The following TTLL5 variants were observed in gnomAD, a reference collection of about 807,000 sequenced individuals.
The protein encoded by TTLL5 is tubulin polyglutamylase TTLL5.
In TTLL5, 132 loss-of-function variants were observed where a neutral mutation model predicts 168.4. That is an observed-to-expected ratio of 0.78 (90% CI 0.68 to 0.91). The LOEUF (loss-of-function observed/expected upper bound fraction) is 0.91. Ranked by LOEUF, TTLL5 falls within the 40% of genes least tolerant of loss-of-function variation. The pLI, the probability that TTLL5 is intolerant of heterozygous loss-of-function variation, is 0.00. For missense variants in TTLL5, 1,545 were observed against 1,581.5 expected, an observed-to-expected ratio of 0.98 and a Z score of 0.39; for synonymous variants, 546 against 558.6, an observed-to-expected ratio of 0.98 and a Z score of 0.32.
At chr14:75,703,040 G>T (rs117292194) in intron 7 of TTLL5, among the ~76,000 whole-genome samples, 1,919 of 152,204 alleles carry the variant, frequency 0.013, 18 homozygotes, top group South Asian at 0.036. Context: ...TCCATGCCTG[G>T]ATCCTTTCCC....
chr14:75,748,202 C>T (rs1172216201), intron 17 of TTLL5, among the ~76,000 whole-genome samples: 2 of 150,456 alleles, frequency 1.3e-5, no homozygotes, highest in African/African-American at 2.5e-5. Context: ...GGTAGGAGAG[C>T]GTGTCCTGTA....
At chr14:75,746,948 T>A (rs936883146) in intron 17 of TTLL5, among the ~76,000 whole-genome samples, 2 of 152,202 alleles carry the variant, frequency 1.3e-5, no homozygotes, top group Non-Finnish European at 2.9e-5. Flanking sequence ...ATTGAGCTTC[T>A]TCATCTATGG....
chr14:75,740,303 A>G (rs1410311747), intron 15 of TTLL5, among the ~76,000 whole-genome samples: 2 of 152,114 alleles, frequency 1.3e-5, no homozygotes, highest in Non-Finnish European at 2.9e-5. Flanking sequence ...CCTCTAAGTT[A>G]TTAGGGATTT....
intron 8 of TTLL5, 117 bp downstream of exon 8, chr14:75,707,204 G>A (rs1242651605): frequency 8.9e-6 from 7 of 790,240 alleles, no homozygotes; most frequent in Non-Finnish European, 1.3e-5. Flanking sequence ...CTTGACATGT[G>A]TGGCTCCAGA....
chr14:75,805,197 C>T (rs1595069719), intron 27 of TTLL5, among the ~76,000 whole-genome samples: 1 of 152,202 alleles, frequency 6.6e-6, no homozygotes, highest in East Asian at 1.9e-4. Context: ...TAGCATGTGG[C>T]ACTATTATCA....
chr14:75,751,252 A>G (rs373075861), intron 17 of TTLL5, among the ~76,000 whole-genome samples: 4 of 152,160 alleles, frequency 2.6e-5, no homozygotes, highest in African/African-American at 9.7e-5. Flanking sequence ...CTTCTTCACG[A>G]TGTCATGGAT....
At chr14:75,821,772 G>A (rs1332916446) in intron 28 of TTLL5, among the ~76,000 whole-genome samples, 4 of 152,120 alleles carry the variant, frequency 2.6e-5, no homozygotes, top group Admixed American at 1.3e-4. Context: ...GACTGCCCAC[G>A]AGGCTGCGAT....
intron 6 of TTLL5, 31 bp downstream of exon 6, chr14:75,690,353 C>T: frequency 6.4e-7 from 1 of 1,566,430 alleles, no homozygotes; most frequent in Non-Finnish European, 8.6e-7. Context: ...GCCCCAGTCC[C>T]CAGCAACTGA....
chr14:75,802,851 G>A lies in TTLL5; in HGVS notation c.3171+9751G>A, dbSNP rs533452938. 5.9e-5 allele frequency among the ~76,000 whole-genome samples: 9 copies of A among 152,334 alleles called. No homozygotes were observed. The South Asian group carries it at 1.9e-3, about 32-fold the overall frequency. ...TGGGAATGGGGAAAAAGCTGAACTAGCCTTCTTGGAAGAGATTATATCTAA... is the reference window on the plus strand; with the variant it reads ...TGGGAATGGGGAAAAAGCTGAACTAACCTTCTTGGAAGAGATTATATCTAA... On this transcript the variant is annotated intron_variant, in intron 27 of 31. Coordinates refer to ENST00000298832, the MANE Select transcript of TTLL5 (RefSeq NM_015072.5).
chr14:75,951,335 C>T (rs2034954944), intron 31 of TTLL5, among the ~76,000 whole-genome samples: 1 of 152,028 alleles, frequency 6.6e-6, no homozygotes, highest in Non-Finnish European at 1.5e-5. Context: ...GGTGACAGAG[C>T]AAGACAGTCT....
In TTLL5 at chr14:75,735,187, C is replaced by G; in HGVS notation, c.1187-8C>G. On this transcript the variant is annotated splice_region_variant and splice_polypyrimidine_tract_variant and intron_variant, in intron 14 of 31. Coordinates refer to ENST00000298832, the MANE Select transcript of TTLL5 (RefSeq NM_015072.5). Reference sequence around the variant, plus strand: ...GGCAGGTTTTAATGTTGCCCATTCCCCATTCAGGATTTGTGTGCCAAGATC... The same window carrying G: ...GGCAGGTTTTAATGTTGCCCATTCCGCATTCAGGATTTGTGTGCCAAGATC... 1.9e-6 allele frequency: 3 copies of G among 1,614,002 alleles called. No individual in the cohort carries two copies. The highest frequency in any genetic ancestry group is 2.5e-6 in the Non-Finnish European group (3 of 1,179,818).
At chr14:75,677,390 C>CTTTTTTTT (rs11349214) in intron 3 of TTLL5, among the ~76,000 whole-genome samples, 3 of 78,320 alleles carry the variant, frequency 3.8e-5, no homozygotes, top group Admixed American at 1.6e-4. Flanking sequence ...CTCTCTCTCT[C>CTTTTTTTT]TTTTTTTTTT....
intron 4 of TTLL5, 59 bp downstream of exon 4, chr14:75,681,686 T>C: frequency 6.8e-7 from 1 of 1,470,896 alleles, no homozygotes; most frequent in Admixed American, 1.7e-5. Context: ...CCCAGCCACC[T>C]AACTGACTTT....
At chr14:75,692,945 G>A (rs1422413833) in intron 6 of TTLL5, among the ~76,000 whole-genome samples, 1 of 152,146 alleles carries the variant, frequency 6.6e-6, no homozygotes, top group Non-Finnish European at 1.5e-5. Flanking sequence ...GCAGTATGGA[G>A]ATGGGTGTGA....
rs75729746 is a variant in TTLL5, at chr14:75,857,381, T to TTAGATAGATAGATAGATAGA, written c.3327-6268_3327-6249dup. ...CTAGTGTATTTGATTGGTTGGTTGATTAGATAGATAGATAGATAGATAGAT... is the reference window on the plus strand; with the variant it reads ...CTAGTGTATTTGATTGGTTGGTTGATTAGATAGATAGATAGATAGATAGATAGATAGATAGATAGATAGAT... On this transcript the variant is annotated intron_variant, in intron 28 of 31. Coordinates refer to ENST00000298832, the MANE Select transcript of TTLL5 (RefSeq NM_015072.5). Among the ~76,000 whole-genome samples the TTAGATAGATAGATAGATAGA allele has an allele frequency of 2.2e-3, 328 of 149,892 alleles. 1 individual carries two copies. Among genetic ancestry groups the TTAGATAGATAGATAGATAGA allele is most frequent in the South Asian group, 3.2e-3 (15 of 4,640 alleles).
intron 31 of TTLL5, among the ~76,000 whole-genome samples, chr14:75,908,616 G>A (rs1166622701): frequency 6.6e-6 from 1 of 152,188 alleles, no homozygotes; most frequent in Non-Finnish European, 1.5e-5. Flanking sequence ...AGGGAGCTGT[G>A]CTGAAGGATA....
chr14:75,885,976 A>C (rs1158571818), intron 30 of TTLL5, among the ~76,000 whole-genome samples: 1 of 152,122 alleles, frequency 6.6e-6, no homozygotes, highest in Non-Finnish European at 1.5e-5. Context: ...ATTTGCTTGG[A>C]TCTTACTGTG....
At chr14:75,944,927 C>T (rs1414423871) in intron 31 of TTLL5, among the ~76,000 whole-genome samples, 3 of 151,940 alleles carry the variant, frequency 2.0e-5, no homozygotes, top group East Asian at 1.9e-4. Context: ...AAGGGAAAAA[C>T]GCTTCAAGTG....
At chr14:75,686,120 T>G (rs1885028086) in intron 5 of TTLL5, among the ~76,000 whole-genome samples, 2 of 152,224 alleles carry the variant, frequency 1.3e-5, no homozygotes, top group South Asian at 2.1e-4. Flanking sequence ...AAATTTGAAC[T>G]GTGGAACAGG....
Sources: allele counts gnomAD v4.1 joint callset (sites outside exome capture counted in the v4.1 genomes callset), GRCh38; gene constraint gnomAD v4.1.1; transcripts MANE v1.5; gene names NCBI Gene and HGNC (gene_info 2026-07-23, HGNC 2026-07-21).